Variants in ERBB4 observed in about 807,000 individuals in gnomAD.
ERBB4 encodes receptor tyrosine-protein kinase erbB-4.
In ERBB4, 42 loss-of-function variants were observed where a neutral mutation model predicts 158.0. The observed-to-expected ratio is 0.27, with a 90% CI of 0.21 to 0.34. The LOEUF is 0.34. Among genes scored for constraint, ERBB4 ranks in the 10% least tolerant of loss-of-function variants. The probability of loss-of-function intolerance (pLI) is 1.00; values close to 1 mark genes in which losing one functional copy is unlikely to be tolerated. For missense variants in ERBB4, 1,333 were observed against 1,624.1 expected (o/e 0.82, Z 3.08); for synonymous variants, 583 against 558.7 (o/e 1.04, Z -0.61).
In ERBB4 at chr2:211,772,908, TACACACAC is replaced by T. The variant is rs200843814; in HGVS notation, c.556+15109_556+15116del. 5.0e-3 allele frequency among the ~76,000 whole-genome samples: 303 copies of T among 61,112 alleles called. 7 individuals carry two copies. Among genetic ancestry groups the T allele is most frequent in the Middle Eastern group, 0.014 (1 of 72 alleles). 40.1% of individuals were successfully genotyped at this position (61,112 alleles called of 152,430 possible). A position where few individuals can be genotyped will look rare whatever the true frequency, so the allele number is the denominator to read the frequency against. On this transcript the variant is annotated intron_variant, in intron 4 of 27. Coordinates refer to ENST00000342788, the MANE Select transcript of ERBB4 (RefSeq NM_005235.3). ...ATACACACACACACACATATATATATACACACACACACACACATATATATATATATATA... is the reference window on the plus strand; with the variant it reads ...ATACACACACACACACATATATATATACACACACATATATATATATATATA...
intron 2 of ERBB4, among the ~76,000 whole-genome samples, chr2:211,968,374 T>G (rs916206542): frequency 1.3e-5 from 2 of 152,056 alleles, no homozygotes; most frequent in African/African-American, 4.8e-5. Flanking sequence ...TTCCAAATAT[T>G]CTACAATGAG....
chr2:211,459,822 T>G (rs918864231), intron 20 of ERBB4, among the ~76,000 whole-genome samples: 1 of 152,092 alleles, frequency 6.6e-6, no homozygotes, highest in Non-Finnish European at 1.5e-5. Flanking sequence ...GTCATAACAT[T>G]TAGTTTATCT....
chr2:212,098,629 T>A (rs2078997116), intron 2 of ERBB4, among the ~76,000 whole-genome samples: 1 of 152,168 alleles, frequency 6.6e-6, no homozygotes, highest in Admixed American at 6.5e-5. Flanking sequence ...AAGAAGTTTT[T>A]ATTTTCTTTT....
intron 20 of ERBB4, among the ~76,000 whole-genome samples, chr2:211,539,873 T>C (rs566614178): frequency 6.1e-4 from 93 of 152,158 alleles, no homozygotes; most frequent in African/African-American, 2.0e-3. Context: ...TTTGAAGACA[T>C]TTCCATTGCT....
At chr2:212,410,680 G>A (rs974494756) in intron 1 of ERBB4, among the ~76,000 whole-genome samples, 7 of 151,722 alleles carry the variant, frequency 4.6e-5, no homozygotes, top group Admixed American at 2.0e-4. Context: ...GTATATATTC[G>A]CTTAAAAACA....
At chr2:212,367,476 A>C (rs1462357278) in intron 1 of ERBB4, among the ~76,000 whole-genome samples, 1 of 152,166 alleles carries the variant, frequency 6.6e-6, no homozygotes, top group African/African-American at 2.4e-5. Flanking sequence ...ACCTGAAACT[A>C]TTCAAATTCT....
chr2:211,636,729 G>A (rs1168633409), intron 16 of ERBB4, among the ~76,000 whole-genome samples: 2 of 151,770 alleles, frequency 1.3e-5, no homozygotes, highest in South Asian at 2.1e-4. Context: ...ATATTAAAAT[G>A]TGTATGTTGG....
intron 4 of ERBB4, among the ~76,000 whole-genome samples, chr2:211,775,927 AG>A (rs2075862979): frequency 6.6e-6 from 1 of 152,270 alleles, no homozygotes; most frequent in South Asian, 2.1e-4. Context: ...GGTTTGCTGA[AG>A]ATGGTGATAT....
chr2:211,841,984 T>C (rs2077480530), intron 3 of ERBB4, among the ~76,000 whole-genome samples: 1 of 151,992 alleles, frequency 6.6e-6, no homozygotes, highest in African/African-American at 2.4e-5. Flanking sequence ...TTCAAATATG[T>C]CCCAGAATTA....
At chr2:212,150,086 G>T (rs553627603) in intron 1 of ERBB4, among the ~76,000 whole-genome samples, 1 of 152,228 alleles carries the variant, frequency 6.6e-6, no homozygotes, top group South Asian at 2.1e-4. Flanking sequence ...ATTTCCTAAG[G>T]TTATTGTAAT....
chr2:212,459,365 C>CAAATA (rs61251542), intron 1 of ERBB4, among the ~76,000 whole-genome samples: 74,103 of 150,710 alleles, frequency 0.49, 20,060 homozygotes, highest in African/African-American at 0.73. Context: ...ATGTAAAATA[C>CAAATA]AAATAAAATA....
chr2:212,197,128 G>A (rs768700025), intron 1 of ERBB4, among the ~76,000 whole-genome samples: 25 of 152,090 alleles, frequency 1.6e-4, no homozygotes, highest in Non-Finnish European at 3.2e-4. Flanking sequence ...ATGGCCTGTA[G>A]TGTCCCAGCT....
At chr2:212,323,407 G>A (rs1425280502) in intron 1 of ERBB4, among the ~76,000 whole-genome samples, 3 of 150,416 alleles carry the variant, frequency 2.0e-5, no homozygotes, top group South Asian at 2.1e-4. Context: ...TAAAAAGCAT[G>A]GGAGTTAGGA....
At chr2:212,447,398 A>C (rs2092377810) in intron 1 of ERBB4, among the ~76,000 whole-genome samples, 1 of 152,190 alleles carries the variant, frequency 6.6e-6, no homozygotes, top group Admixed American at 6.5e-5. Context: ...TATTTTAAAA[A>C]AATGTGACTT....
intron 19 of ERBB4, among the ~76,000 whole-genome samples, chr2:211,611,879 A>T (rs184207612): frequency 2.0e-5 from 3 of 152,220 alleles, no homozygotes; most frequent in South Asian, 2.1e-4. Context: ...CACTCACAAG[A>T]TTCCCTTAAA....
chr2:211,460,017 T>G (rs2064488379), intron 20 of ERBB4, among the ~76,000 whole-genome samples: 1 of 152,194 alleles, frequency 6.6e-6, no homozygotes, highest in South Asian at 2.1e-4. Context: ...CAGATAATAT[T>G]AACATTTTCC....
At chr2:212,156,252 T>TA (rs2081032302) in intron 1 of ERBB4, among the ~76,000 whole-genome samples, 1 of 152,042 alleles carries the variant, frequency 6.6e-6, no homozygotes, top group Admixed American at 6.6e-5. Context: ...CCAATGTGTT[T>TA]AAAAGTGGGG....
chr2:212,057,357 AT>A (rs2077612260), intron 2 of ERBB4, among the ~76,000 whole-genome samples: 1 of 152,184 alleles, frequency 6.6e-6, no homozygotes, highest in Non-Finnish European at 1.5e-5. Flanking sequence ...CACTGTCAAC[AT>A]TAGACAGATC....
intron 20 of ERBB4, among the ~76,000 whole-genome samples, chr2:211,476,526 G>T (rs1023800735): frequency 6.7e-6 from 1 of 148,516 alleles, no homozygotes; most frequent in African/African-American, 2.5e-5. Flanking sequence ...AAGAGTAGAA[G>T]AATCTAAGTT....
Sources: gnomAD v4.1 joint callset for allele counts (sites outside exome capture counted in the v4.1 genomes callset) on GRCh38, gnomAD v4.1.1 for gene constraint, MANE v1.5 for transcripts, NCBI Gene and HGNC (gene_info 2026-07-23, HGNC 2026-07-21) for gene names.